The following CATSPERB variants were observed in gnomAD, a reference collection of about 807,000 sequenced individuals.
CATSPERB encodes catsper channel auxiliary subunit beta, also known as cation channel sperm-associated auxiliary subunit beta.
A neutral mutation model predicts 128.3 loss-of-function variants in CATSPERB; 93 were observed. The observed-to-expected ratio is 0.72, with a 90% CI of 0.61 to 0.86. The LOEUF (loss-of-function observed/expected upper bound fraction) is 0.86, where lower values mean the gene tolerates loss of function less well. Among genes scored for constraint, CATSPERB ranks in the 40% least tolerant of loss-of-function variants. The pLI is 0.00. For missense variants in CATSPERB, 1,153 were observed against 1,329.5 expected (o/e 0.87, Z 2.06); for synonymous variants, 381 against 448.8 (o/e 0.85, Z 1.91).
chr14:91,702,707 A>ACACAC (rs1555364571), intron 7 of CATSPERB, among the ~76,000 whole-genome samples: 767 of 76,134 alleles, frequency 0.01, 4 homozygotes, highest in African/African-American at 0.032. Flanking sequence ...CACACACACA[A>ACACAC]ACCAAAAACA....
At chr14:91,683,247 A>G (rs1895316024) in intron 11 of CATSPERB, among the ~76,000 whole-genome samples, 1 of 152,124 alleles carries the variant, frequency 6.6e-6, no homozygotes, top group Admixed American at 6.5e-5. Flanking sequence ...ACTCAAGAAT[A>G]TTTCCAACTC....
At chr14:91,583,474 G>T (rs895701903) in intron 26 of CATSPERB, among the ~76,000 whole-genome samples, 3 of 152,120 alleles carry the variant, frequency 2.0e-5, no homozygotes, top group African/African-American at 7.2e-5. Flanking sequence ...TCTAAGATTA[G>T]AAACGTCTAT....
chr14:91,665,157 T>C (rs921817792), intron 14 of CATSPERB, among the ~76,000 whole-genome samples: 7 of 152,198 alleles, frequency 4.6e-5, no homozygotes, highest in Non-Finnish European at 8.8e-5. Flanking sequence ...CATCCCAAAG[T>C]GCTGGGATTA....
At chr14:91,583,919 G>A (rs1326531101) in intron 26 of CATSPERB, among the ~76,000 whole-genome samples, 1 of 152,058 alleles carries the variant, frequency 6.6e-6, no homozygotes, top group Non-Finnish European at 1.5e-5. Flanking sequence ...TATGTTACCA[G>A]GCTGGAGTGC....
chr14:91,619,303 G>T (rs965652372), intron 19 of CATSPERB, among the ~76,000 whole-genome samples: 2 of 151,856 alleles, frequency 1.3e-5, no homozygotes, highest in East Asian at 3.9e-4. Flanking sequence ...ATAAAATAGA[G>T]GTAACCTAAA....
At chr14:91,616,304 AT>A (rs1218247980) in intron 20 of CATSPERB, among the ~76,000 whole-genome samples, 1 of 152,116 alleles carries the variant, frequency 6.6e-6, no homozygotes. Context: ...TACCTCATAA[AT>A]TTATACAATT....
chr14:91,709,828 T>G (rs1462511535), intron 5 of CATSPERB: 1 of 151,746 alleles, frequency 6.6e-6, no homozygotes, highest in Non-Finnish European at 1.5e-5. Context: ...ATAAGAAAAA[T>G]TATGTGTTTG....
chr14:91,653,240 C>T (rs1664287513), intron 15 of CATSPERB, among the ~76,000 whole-genome samples: 1 of 152,108 alleles, frequency 6.6e-6, no homozygotes, highest in African/African-American at 2.4e-5. Context: ...CAAAAAAACA[C>T]AGCCTCTGTC....
At chr14:91,617,465 G>A in intron 20 of CATSPERB, 132 bp downstream of exon 20, 1 of 561,742 alleles carries the variant, frequency 1.8e-6, no homozygotes, top group Non-Finnish European at 2.9e-6. Flanking sequence ...ATTTATCCTT[G>A]TAACCCTATA....
rs530255094 is a variant in CATSPERB at position 91,627,937 on chromosome 14, C to T, written c.1743-2930G>A. Among the ~76,000 whole-genome samples the T allele has an allele frequency of 2.0e-5, 3 of 152,232 alleles. No homozygotes were observed. The South Asian group carries it at 6.2e-4, about 32-fold the overall frequency. Reference sequence around the variant, plus strand: ...AGGCTGCAGTGAGCTATGATTGCACCACTGCACTCCAGCCTGGGTAACAGA... The same window carrying T: ...AGGCTGCAGTGAGCTATGATTGCACTACTGCACTCCAGCCTGGGTAACAGA... On this transcript the variant is annotated intron_variant, in intron 17 of 26. Coordinates refer to ENST00000256343, the MANE Select transcript of CATSPERB (RefSeq NM_024764.4).
chr14:91,648,241 C>T (rs1894640936), intron 15 of CATSPERB, among the ~76,000 whole-genome samples: 1 of 152,162 alleles, frequency 6.6e-6, no homozygotes, highest in Non-Finnish European at 1.5e-5. Context: ...GTATATTCCC[C>T]ATATGATCTT....
chr14:91,592,699 TAG>T (rs1893431341), intron 22 of CATSPERB: 1 of 152,082 alleles, frequency 6.6e-6, no homozygotes, highest in Admixed American at 6.6e-5. Context: ...AATTTTTTGG[TAG>T]AGAGTCTATC....
chr14:91,685,171 C>T (rs72703369), intron 10 of CATSPERB, among the ~76,000 whole-genome samples: 11,956 of 152,178 alleles, frequency 0.079, 645 homozygotes, highest in Non-Finnish European at 0.11. Flanking sequence ...AAGCAATTCT[C>T]CTGCTTTGGC....
intron 15 of CATSPERB, among the ~76,000 whole-genome samples, chr14:91,659,385 C>T (rs1332018169): frequency 6.6e-6 from 1 of 152,192 alleles, no homozygotes; most frequent in Non-Finnish European, 1.5e-5. Flanking sequence ...TAAACTTGAT[C>T]AATGAAAGCA....
At chr14:91,664,272 T>G (rs1242157971) in intron 14 of CATSPERB, among the ~76,000 whole-genome samples, 1 of 144,114 alleles carries the variant, frequency 6.9e-6, no homozygotes, top group East Asian at 2.0e-4. Flanking sequence ...TTTTTTTTTT[T>G]TTTTTTTTTT....
chr14:91,671,827 C>T (rs540140041), intron 13 of CATSPERB, among the ~76,000 whole-genome samples: 4 of 151,852 alleles, frequency 2.6e-5, no homozygotes, highest in African/African-American at 9.7e-5. Context: ...GTCAGGAGAT[C>T]GAGACCACGG....
chr14:91,704,326 C>T (rs894593928), intron 7 of CATSPERB, among the ~76,000 whole-genome samples: 7 of 152,062 alleles, frequency 4.6e-5, no homozygotes, highest in African/African-American at 1.7e-4. Context: ...TTAGGAGACA[C>T]ACTAAAGTCA....
In CATSPERB at chr14:91,619,861, TTGTGTGTGTGTGTGTGTGTGTG is replaced by T. The variant is rs55687285; in HGVS notation, c.2260+1725_2260+1746del. 1.3e-4 allele frequency among the ~76,000 whole-genome samples: 18 copies of T among 139,122 alleles called. No homozygotes were observed. The East Asian group carries it at 1.5e-3, about 12-fold the overall frequency. 91.3% of individuals were successfully genotyped at this position (139,122 alleles called of 152,430 possible). ...AAAATATATTTTTAATGTAATAAAA[TTGTGTGTGTGTGTGTGTGTGTG>T]TGTGTGTGTGTGTGTGTGTGTGTGT... On this transcript the variant is annotated intron_variant, in intron 19 of 26. Coordinates refer to ENST00000256343, the MANE Select transcript of CATSPERB (RefSeq NM_024764.4).
intron 13 of CATSPERB, 26 bp from the exon 14 acceptor site, chr14:91,669,998 C>T (rs1018904988): frequency 1.2e-6 from 2 of 1,600,042 alleles, no homozygotes; most frequent in African/African-American, 1.3e-5. Flanking sequence ...ATGAGCAAGT[C>T]ATAAGACTAG....
Sources: gnomAD v4.1 joint callset for allele counts (sites outside exome capture counted in the v4.1 genomes callset) on GRCh38, gnomAD v4.1.1 for gene constraint, MANE v1.5 for transcripts, NCBI Gene and HGNC (gene_info 2026-07-23, HGNC 2026-07-21) for gene names.